COMMD10: variants seen among roughly 807,000 people sequenced by gnomAD.
The protein encoded by COMMD10 is COMM domain-containing protein 10.
In COMMD10, 33 loss-of-function variants were observed where a neutral mutation model predicts 28.9. That is an observed-to-expected ratio of 1.14 (90% CI 0.87 to 1.53). The LOEUF (loss-of-function observed/expected upper bound fraction) is 1.53. Ranked by LOEUF, COMMD10 falls within the 40% of genes most tolerant of loss-of-function variation. The pLI is 0.00. For missense variants in COMMD10, 310 were observed against 233.4 expected (o/e 1.33, Z -2.14); for synonymous variants, 110 against 81.7 (o/e 1.35, Z -1.87).
chr5:116,140,819 T>C (rs1200178300), intron 5 of COMMD10, among the ~76,000 whole-genome samples: 2 of 151,868 alleles, frequency 1.3e-5, no homozygotes, highest in African/African-American at 4.8e-5. Context: ...GAGTTCCTTA[T>C]ACATGTTGTA....
At chr5:116,261,454 G>C (rs1287051291) in intron 5 of COMMD10, among the ~76,000 whole-genome samples, 1 of 151,676 alleles carries the variant, frequency 6.6e-6, no homozygotes. Flanking sequence ...GAGTAATGTA[G>C]ATGTGTATTC....
intron 5 of COMMD10, among the ~76,000 whole-genome samples, chr5:116,201,677 G>GACCAGAA (rs1167335919): frequency 1.3e-5 from 2 of 152,046 alleles, no homozygotes; most frequent in African/African-American, 4.8e-5. Context: ...TTACATGCCA[G>GACCAGAA]ACCAGAAACC....
intron 5 of COMMD10, among the ~76,000 whole-genome samples, chr5:116,273,389 C>T (rs1750809017): frequency 1.3e-5 from 2 of 151,722 alleles, no homozygotes; most frequent in African/African-American, 2.4e-5. Flanking sequence ...GATGCTGTCA[C>T]CATTCTGTCA....
rs558482296 is a variant in COMMD10 at position 116,198,927 on chromosome 5, A to G, written c.510+64749A>G. Among the ~76,000 whole-genome samples the G allele has an allele frequency of 8.5e-5, 13 of 152,272 alleles. No individual in the cohort carries two copies. The East Asian group carries it at 1.9e-3, about 23-fold the overall frequency. Reference sequence around the variant, plus strand: ...TAAAGCTGCTGTACCATCCATGTGCAAATTTTTGTATGCACGTAAGTCTTC... The same window carrying G: ...TAAAGCTGCTGTACCATCCATGTGCGAATTTTTGTATGCACGTAAGTCTTC... On this transcript the variant is annotated intron_variant, in intron 5 of 6. Coordinates refer to ENST00000274458, the MANE Select transcript of COMMD10 (RefSeq NM_016144.4).
At chr5:116,256,023 C>A (rs751559533) in intron 5 of COMMD10, among the ~76,000 whole-genome samples, 6 of 151,544 alleles carry the variant, frequency 4.0e-5, no homozygotes, top group Non-Finnish European at 8.8e-5. Flanking sequence ...CGTATTCAAT[C>A]TCAGCTAAAT....
At chr5:116,132,291 C>A (rs1028615711) in intron 4 of COMMD10, among the ~76,000 whole-genome samples, 4 of 151,880 alleles carry the variant, frequency 2.6e-5, no homozygotes, top group Admixed American at 6.6e-5. Context: ...TATCAGTAAC[C>A]CAGAAAAGTA....
chr5:116,263,137 A>G (rs1444534900), intron 5 of COMMD10, among the ~76,000 whole-genome samples: 5 of 151,836 alleles, frequency 3.3e-5, no homozygotes, highest in Non-Finnish European at 7.4e-5. Flanking sequence ...TTACACATAT[A>G]TTTTAGAAAA....
intron 5 of COMMD10, among the ~76,000 whole-genome samples, chr5:116,189,737 T>A (rs1351225641): frequency 6.6e-6 from 1 of 152,178 alleles, no homozygotes; most frequent in African/African-American, 2.4e-5. Flanking sequence ...GAAATAAGTT[T>A]ATTTAAGTCA....
At chr5:116,195,004 G>C (rs760205083) in intron 5 of COMMD10, among the ~76,000 whole-genome samples, 1 of 152,146 alleles carries the variant, frequency 6.6e-6, no homozygotes, top group African/African-American at 2.4e-5. Context: ...TGCAGGTATA[G>C]CTTAACATAT....
chr5:116,105,138 C>G (rs1344354451), intron 4 of COMMD10, among the ~76,000 whole-genome samples: 4 of 152,148 alleles, frequency 2.6e-5, no homozygotes, highest in Admixed American at 6.5e-5. Context: ...CCATCAATGC[C>G]TAGTTTATTG....
chr5:116,248,730 CA>C (rs1389096664), intron 5 of COMMD10, among the ~76,000 whole-genome samples: 1 of 151,700 alleles, frequency 6.6e-6, no homozygotes, highest in African/African-American at 2.4e-5. Context: ...CCTTTTCTAC[CA>C]ACTTTAAAAA....
At chr5:116,210,375 T>C (rs983905805) in intron 5 of COMMD10, among the ~76,000 whole-genome samples, 54 of 151,816 alleles carry the variant, frequency 3.6e-4, no homozygotes, top group Non-Finnish European at 1.3e-4. Flanking sequence ...GGCATACTTA[T>C]GTGTTTATAT....
chr5:116,147,115 G>A (rs1236735429), intron 5 of COMMD10, among the ~76,000 whole-genome samples: 1 of 151,816 alleles, frequency 6.6e-6, no homozygotes, highest in Non-Finnish European at 1.5e-5. Context: ...CATCAACCCA[G>A]CACCATCGGT....
chr5:116,251,844 T>C (rs1750128362), intron 5 of COMMD10, among the ~76,000 whole-genome samples: 1 of 152,168 alleles, frequency 6.6e-6, no homozygotes, highest in Non-Finnish European at 1.5e-5. Context: ...GTATTTCTAG[T>C]TCTAGATCCC....
chr5:116,100,895 C>A (rs1451051028), intron 4 of COMMD10, among the ~76,000 whole-genome samples: 1 of 152,084 alleles, frequency 6.6e-6, no homozygotes, highest in East Asian at 1.9e-4. Flanking sequence ...CCTCGCAGCA[C>A]CTCCTCTCCC....
chr5:116,138,999 C>T (rs988598941), intron 5 of COMMD10, among the ~76,000 whole-genome samples: 1 of 151,592 alleles, frequency 6.6e-6, no homozygotes, highest in Non-Finnish European at 1.5e-5. Flanking sequence ...ATAATATTCC[C>T]ATGTTATACA....
intron 5 of COMMD10, among the ~76,000 whole-genome samples, chr5:116,167,687 TAAAGA>T (rs1753178081): frequency 2.0e-5 from 3 of 152,050 alleles, no homozygotes; most frequent in Non-Finnish European, 4.4e-5. Flanking sequence ...TCAACACTCT[TAAAGA>T]AAAGAATTTT....
intron 5 of COMMD10, among the ~76,000 whole-genome samples, chr5:116,238,362 T>G (rs562771999): frequency 6.6e-6 from 1 of 152,232 alleles, no homozygotes; most frequent in African/African-American, 2.4e-5. Flanking sequence ...TTGAATGAAC[T>G]TAAATTGGGC....
intron 5 of COMMD10, among the ~76,000 whole-genome samples, chr5:116,264,267 G>T (rs78402670): frequency 1.3e-5 from 2 of 151,664 alleles, no homozygotes; most frequent in Admixed American, 6.6e-5. Context: ...TCTTCTGCAG[G>T]TTTGTTAAAC....
Sources: allele counts gnomAD v4.1 joint callset (sites outside exome capture counted in the v4.1 genomes callset), GRCh38; gene constraint gnomAD v4.1.1; transcripts MANE v1.5; gene names NCBI Gene and HGNC (gene_info 2026-07-23, HGNC 2026-07-21).